Variants in CNTNAP2 observed in about 807,000 individuals in gnomAD.
CNTNAP2 encodes contactin associated protein 2.
A neutral mutation model predicts 155.2 loss-of-function variants in CNTNAP2; 98 were observed. The ratio of observed to expected loss-of-function variants is 0.63; its 90% CI spans 0.54 to 0.75. The LOEUF (loss-of-function observed/expected upper bound fraction) is 0.75, where lower values mean the gene tolerates loss of function less well. Ranked by LOEUF, CNTNAP2 falls within the 30% of genes least tolerant of loss-of-function variation. CNTNAP2 has a pLI of 0.00. For synonymous variants in CNTNAP2, 651 were observed against 631.2 expected (o/e 1.03, Z -0.47); for missense variants, 1,727 against 1,688.1 (o/e 1.02, Z -0.40).
At chr7:147,036,314 G>GA (rs1256994798) in intron 3 of CNTNAP2, among the ~76,000 whole-genome samples, 5 of 152,102 alleles carry the variant, frequency 3.3e-5, no homozygotes, top group African/African-American at 9.7e-5. Flanking sequence ...GTTTTAGCTA[G>GA]AAAAAACAGT....
At chr7:146,494,913 A>G (rs1230414932) in intron 1 of CNTNAP2, among the ~76,000 whole-genome samples, 1 of 152,224 alleles carries the variant, frequency 6.6e-6, no homozygotes, top group Admixed American at 6.5e-5. Flanking sequence ...AATCTAGTCT[A>G]TGTTTCCATG....
In CNTNAP2 at chr7:148,365,736, G is replaced by A. The variant is rs200135105; in HGVS notation, c.3476-17913G>A. 3.7e-5 allele frequency among the ~76,000 whole-genome samples: 3 copies of A among 80,070 alleles called. 1 individual carries two copies. The highest frequency in any genetic ancestry group is 1.3e-4 in the African/African-American group (3 of 23,964). The allele number at this position is 80,070 out of a possible 152,430, so 52.5% of individuals were successfully genotyped here. Reference sequence around the variant, plus strand: ...TATATGTATACGTGTATATATGTATGTGTATACATGTATACATGTATGTGT... The same window carrying A: ...TATATGTATACGTGTATATATGTATATGTATACATGTATACATGTATGTGT... On this transcript the variant is annotated intron_variant, in intron 21 of 23. Transcript: ENST00000361727.
At chr7:147,169,217 T>G (rs560743792) in intron 8 of CNTNAP2, among the ~76,000 whole-genome samples, 2 of 152,356 alleles carry the variant, frequency 1.3e-5, no homozygotes, top group African/African-American at 4.8e-5. Context: ...AAAGTCTTTA[T>G]TATTGAATCA....
chr7:147,890,722 C>T (rs1799675029), intron 13 of CNTNAP2, among the ~76,000 whole-genome samples: 1 of 152,168 alleles, frequency 6.6e-6, no homozygotes, highest in Non-Finnish European at 1.5e-5. Flanking sequence ...AATACCACAT[C>T]ATCTCACTTA....
chr7:148,323,183 G>C (rs1159329475), intron 21 of CNTNAP2, among the ~76,000 whole-genome samples: 2 of 151,330 alleles, frequency 1.3e-5, no homozygotes, highest in Non-Finnish European at 1.5e-5. Context: ...ACTAGTCCAA[G>C]TTCACATAGC....
chr7:148,228,922 T>C (rs1231569110), intron 19 of CNTNAP2, among the ~76,000 whole-genome samples: 3 of 152,000 alleles, frequency 2.0e-5, no homozygotes, highest in Non-Finnish European at 4.4e-5. Context: ...GGTGAGAACA[T>C]CCCTGCACTC....
At chr7:146,658,310 A>C (rs561859572) in intron 1 of CNTNAP2, among the ~76,000 whole-genome samples, 2 of 152,080 alleles carry the variant, frequency 1.3e-5, no homozygotes, top group Admixed American at 1.3e-4. Context: ...AGAGTGTGGA[A>C]TTCTGAGCTA....
At chr7:146,850,779 C>A (rs940210309) in intron 3 of CNTNAP2, among the ~76,000 whole-genome samples, 1 of 150,746 alleles carries the variant, frequency 6.6e-6, no homozygotes, top group African/African-American at 2.5e-5. Context: ...AAATAAAATA[C>A]AAATAAAAAT....
At chr7:147,317,044 C>G (rs1020768557) in intron 9 of CNTNAP2, among the ~76,000 whole-genome samples, 10 of 152,158 alleles carry the variant, frequency 6.6e-5, no homozygotes, top group Non-Finnish European at 1.5e-4. Flanking sequence ...TATCTTAATG[C>G]AACAAATCCA....
At chr7:147,028,041 G>A (rs1021471724) in intron 3 of CNTNAP2, among the ~76,000 whole-genome samples, 5 of 152,196 alleles carry the variant, frequency 3.3e-5, no homozygotes, top group African/African-American at 1.2e-4. Context: ...ATGGGAATCA[G>A]TCTCCAATAT....
At chr7:146,728,755 G>A (rs933263411) in intron 1 of CNTNAP2, among the ~76,000 whole-genome samples, 3 of 152,126 alleles carry the variant, frequency 2.0e-5, no homozygotes, top group Non-Finnish European at 4.4e-5. Context: ...AATCTACCAT[G>A]ATCTTAAATG....
intron 5 of CNTNAP2, among the ~76,000 whole-genome samples, chr7:147,119,933 A>C (rs1003858390): frequency 2.0e-5 from 3 of 152,338 alleles, no homozygotes; most frequent in Middle Eastern, 3.4e-3. Flanking sequence ...GACAACATAG[A>C]TGAAACAAAC....
At chr7:148,202,665 G>A (rs1795386509) in intron 18 of CNTNAP2, among the ~76,000 whole-genome samples, 1 of 152,208 alleles carries the variant, frequency 6.6e-6, no homozygotes, top group South Asian at 2.1e-4. Context: ...TGTCAGCTTT[G>A]TAATTGAAGC....
intron 15 of CNTNAP2, among the ~76,000 whole-genome samples, chr7:148,062,013 G>GATAGATGAT (rs1563185669): frequency 1.6e-5 from 2 of 129,014 alleles, no homozygotes; most frequent in East Asian, 2.9e-4. Context: ...ATAGATGATA[G>GATAGATGAT]AGAGAGAGAG....
intron 1 of CNTNAP2, among the ~76,000 whole-genome samples, chr7:146,455,088 T>G (rs908030414): frequency 6.6e-6 from 1 of 152,176 alleles, no homozygotes; most frequent in African/African-American, 2.4e-5. Context: ...TGTGGTTTTA[T>G]GTCAAATCCT....
At chr7:146,735,677 A>T (rs1239803370) in intron 1 of CNTNAP2, among the ~76,000 whole-genome samples, 1 of 152,174 alleles carries the variant, frequency 6.6e-6, no homozygotes, top group Non-Finnish European at 1.5e-5. Flanking sequence ...CTATTTATAT[A>T]CATGTATATG....
At chr7:146,839,931 C>T in intron 3 of CNTNAP2, 27 bp downstream of exon 3, 2 of 1,611,110 alleles carry the variant, frequency 1.2e-6, no homozygotes, top group East Asian at 2.2e-5. Flanking sequence ...AAAGCAAAGA[C>T]ACAGAATTGG....
chr7:146,650,639 T>C (rs1799894912), intron 1 of CNTNAP2, among the ~76,000 whole-genome samples: 1 of 152,042 alleles, frequency 6.6e-6, no homozygotes, highest in South Asian at 2.1e-4. Flanking sequence ...TGTATACCTA[T>C]GTAACAAACC....
chr7:147,814,924 G>A (rs1446447136), intron 13 of CNTNAP2, among the ~76,000 whole-genome samples: 1 of 152,104 alleles, frequency 6.6e-6, no homozygotes, highest in Non-Finnish European at 1.5e-5. Context: ...AATATACCTA[G>A]TAATAATAAT....
Sources: allele counts gnomAD v4.1 joint callset (sites outside exome capture counted in the v4.1 genomes callset), GRCh38; gene constraint gnomAD v4.1.1; transcripts MANE v1.5; gene names NCBI Gene and HGNC (gene_info 2026-07-23, HGNC 2026-07-21).